Variants in GARS1 observed in about 807,000 individuals in gnomAD.
GARS1 encodes glycyl-tRNA synthetase 1, also known as glycine--tRNA ligase.
In GARS1, 46 loss-of-function variants were observed where a neutral mutation model predicts 86.4. The ratio of observed to expected loss-of-function variants is 0.53; its 90% CI spans 0.42 to 0.68. GARS1 has a LOEUF of 0.68. Among genes scored for constraint, GARS1 ranks in the 30% least tolerant of loss-of-function variants. The pLI is 0.00. For missense variants in GARS1, 797 were observed against 915.6 expected (o/e 0.87, Z 1.67); for synonymous variants, 342 against 329.8 (o/e 1.04, Z -0.40).
At chr7:30,613,347 A>G (rs1363016776) in intron 8 of GARS1, among the ~76,000 whole-genome samples, 1 of 152,230 alleles carries the variant, frequency 6.6e-6, no homozygotes, top group Non-Finnish European at 1.5e-5. Context: ...TTAGCCAGGT[A>G]TGATGGCAAT....
rs374661605 is a variant in GARS1, at chr7:30,615,944, A to G, written c.1080A>G (p.Lys360=). 10 of 1,614,098 alleles carry G rather than the reference A, an allele frequency of 6.2e-6. No individual in the cohort carries two copies. The African/African-American group carries it at 8.0e-5, about 13-fold the overall frequency. Residue 360 remains lysine (K), a synonymous_variant, in exon 9 of 17, where the codon AAA becomes AAG. Transcript: ENST00000389266. Reference sequence around the variant, plus strand: ...AGCACTTTGTAGATCCCAGTGAGAAAGACCACCCCAAGTTCCAGAATGTGG... The same window carrying G: ...AGCACTTTGTAGATCCCAGTGAGAAGGACCACCCCAAGTTCCAGAATGTGG... ...EIEHFVDPSE[K]DHPKFQNVAD... is the part of the protein sequence containing the mutation.
intron 13 of GARS1, 102 bp from the exon 14 acceptor site, chr7:30,628,458 T>TAC: frequency 1.2e-6 from 1 of 838,434 alleles, no homozygotes; most frequent in African/African-American, 1.7e-5. Context: ...ATGCTGGGAT[T>TAC]ACAGGTGTGA....
chr7:30,621,596 G>C lies in GARS1; in HGVS notation c.1467+96G>C. On this transcript the variant is annotated intron_variant, in intron 11 of 16. Coordinates refer to ENST00000389266, the MANE Select transcript of GARS1 (RefSeq NM_002047.4). ...CTTTACCTTGTTCTATGGATAAATG[G>C]AGATGTTTTAGACACTGTAGTAACG... The C allele has an allele frequency of 8.7e-6, 8 of 922,636 alleles. No individual in the cohort carries two copies. The South Asian group carries it at 1.0e-4, about 12-fold the overall frequency. The allele number at this position is 922,636 out of a possible 1,614,324, so 57.2% of individuals were successfully genotyped here.
intron 12 of GARS1, among the ~76,000 whole-genome samples, chr7:30,624,984 C>T (rs955778958): frequency 3.9e-5 from 6 of 152,074 alleles, no homozygotes; most frequent in Non-Finnish European, 8.8e-5. Context: ...ACTCTGTCAC[C>T]TAGGCTGGAG....
intron 4 of GARS1, among the ~76,000 whole-genome samples, chr7:30,601,480 CTCATA>C (rs1305544624): frequency 6.6e-6 from 1 of 152,148 alleles, no homozygotes; most frequent in Non-Finnish European, 1.5e-5. Context: ...TGAACATATA[CTCATA>C]TCATTAACTA....
In GARS1 at chr7:30,598,826, A is replaced by G. The variant is rs200294578; in HGVS notation, c.253A>G (p.Lys85Glu). 578 of 1,614,068 alleles carry G rather than the reference A, an allele frequency of 3.6e-4. No individual in the cohort carries two copies. The highest frequency in any genetic ancestry group is 4.8e-4 in the Non-Finnish European group (562 of 1,180,002). Residue 85 changes from lysine (K) to glutamate (E), a missense_variant, in exon 2 of 17, where the codon AAA becomes GAA. By Grantham distance (56) the Lys-to-Glu change is moderately conservative. Coordinates refer to ENST00000389266, the MANE Select transcript of GARS1 (RefSeq NM_002047.4). ...GDLVRKLKEDKAPQVDVDKAV... is the reference protein window; with the variant it reads ...GDLVRKLKEDEAPQVDVDKAV... ...TCTTGTGCGAAAACTCAAAGAAGAT[A>G]AAGCACCCCAAGTAGACGTAGACAA...
intron 12 of GARS1, among the ~76,000 whole-genome samples, chr7:30,625,987 G>C (rs913437349): frequency 5.9e-5 from 9 of 152,324 alleles, no homozygotes; most frequent in Middle Eastern, 6.8e-3. Context: ...TAAGTCACTT[G>C]TGGAGTTTTA....
At chr7:30,625,220 A>C (rs1287385535) in intron 12 of GARS1, among the ~76,000 whole-genome samples, 1 of 152,242 alleles carries the variant, frequency 6.6e-6, no homozygotes, top group Non-Finnish European at 1.5e-5. Context: ...CTGGGATTAC[A>C]GGTGTGAGCC....
At chr7:30,599,799 G>A in intron 2 of GARS1, 148 bp from the exon 3 acceptor site, 2 of 589,716 alleles carry the variant, frequency 3.4e-6, no homozygotes, top group South Asian at 2.3e-5. Flanking sequence ...AAAGACCTAT[G>A]GCTTCTATTG....
chr7:30,626,128 C>A, intron 12 of GARS1, 106 bp from the exon 13 acceptor site: 1 of 684,292 alleles, frequency 1.5e-6, no homozygotes, highest in Non-Finnish European at 2.7e-6. Flanking sequence ...GAGAGTTGAT[C>A]AAGTTATAAA....
chr7:30,621,632 C>T, intron 11 of GARS1, 132 bp downstream of exon 11: 1 of 769,078 alleles, frequency 1.3e-6, no homozygotes, highest in Non-Finnish European at 2.3e-6. Flanking sequence ...CTTGTTTAAA[C>T]CTATTATTTT....
Position 30,622,313 on chromosome 7 carries a change from A to C in GARS1, c.1468-4A>C. 6.2e-7 allele frequency: 1 copy of C among 1,614,114 alleles called. No homozygotes were observed. The highest frequency in any genetic ancestry group is 1.7e-5 in the Admixed American group (1 of 60,022). Reference sequence around the variant, plus strand: ...TAGTTTTGGATTCCTTGACTACTTCATACAAAACAGTCAATGTTGTTCAGT... The same window carrying C: ...TAGTTTTGGATTCCTTGACTACTTCCTACAAAACAGTCAATGTTGTTCAGT... On this transcript the variant is annotated splice_region_variant and splice_polypyrimidine_tract_variant and intron_variant, in intron 11 of 16. Transcript: ENST00000389266.
chr7:30,618,818 A>G (rs1782942357), intron 10 of GARS1, among the ~76,000 whole-genome samples: 1 of 152,246 alleles, frequency 6.6e-6, no homozygotes, highest in Non-Finnish European at 1.5e-5. Flanking sequence ...GGAATTAGAA[A>G]GAATTACTGT....
At chr7:30,612,394 TC>T in intron 8 of GARS1, 149 bp downstream of exon 8, 4 of 831,336 alleles carry the variant, frequency 4.8e-6, no homozygotes, top group Non-Finnish European at 5.8e-6. Flanking sequence ...ACATTTGGAA[TC>T]TCTAAATGTA....
At chr7:30,624,469 CAGT>C (rs1783085562) in intron 12 of GARS1, among the ~76,000 whole-genome samples, 1 of 152,084 alleles carries the variant, frequency 6.6e-6, no homozygotes, top group South Asian at 2.1e-4. Flanking sequence ...TGTATGCTAT[CAGT>C]AGCACAAAGG....
At chr7:30,594,874 C>G (rs1040174267), upstream of GARS1, 49 of 1,464,330 alleles carry the variant, frequency 3.3e-5, no homozygotes, top group African/African-American at 5.8e-4. Flanking sequence ...GGGCGGCGCG[C>G]GCCGCTTCCG....
chr7:30,597,207 G>A (rs1443628714), intron 1 of GARS1, among the ~76,000 whole-genome samples: 4 of 152,102 alleles, frequency 2.6e-5, no homozygotes, highest in Non-Finnish European at 1.5e-5. Context: ...GATAATCTGC[G>A]TAACTCAGTG....
At position 30,600,882 on chromosome 7, in the gene GARS1, CT is replaced by C. The variant is rs144012888; in HGVS notation, c.428-171del. On this transcript the variant is annotated intron_variant, in intron 3 of 16. Transcript: ENST00000389266. ...ATAGAATTAGTAAATGGCGTAAGAG[CT>C]TTTTTATTTTACTTCCATCAGCTAG... Among the ~76,000 whole-genome samples the C allele has an allele frequency of 0.015, 2,213 of 152,248 alleles. 61 individuals are homozygous for C. Among genetic ancestry groups the C allele is most frequent in the African/African-American group, 0.05 (2,084 of 41,536 alleles).
intron 6 of GARS1, among the ~76,000 whole-genome samples, chr7:30,608,086 C>G (rs1037016993): frequency 7.9e-5 from 12 of 152,218 alleles, no homozygotes; most frequent in Admixed American, 5.9e-4. Context: ...CAGTTGTCCA[C>G]TGCTGGACAT....
Sources: allele counts gnomAD v4.1 joint callset (sites outside exome capture counted in the v4.1 genomes callset), GRCh38; gene constraint gnomAD v4.1.1; transcripts MANE v1.5; gene names NCBI Gene and HGNC (gene_info 2026-07-23, HGNC 2026-07-21).